Variants in SCN7A observed in about 807,000 individuals in gnomAD.
SCN7A encodes sodium channel protein type 7 subunit alpha.
A neutral mutation model predicts 155.2 loss-of-function variants in SCN7A; 138 were observed. The observed-to-expected ratio is 0.89, with a 90% CI of 0.77 to 1.02. The LOEUF (loss-of-function observed/expected upper bound fraction) is 1.02, where lower values mean the gene tolerates loss of function less well. SCN7A is among the 50% of genes least tolerant of loss of function. SCN7A has a pLI of 0.00. For synonymous variants in SCN7A, 693 were observed against 649.0 expected, an observed-to-expected ratio of 1.07 and a Z score of -1.03; for missense variants, 2,058 against 1,986.6, an observed-to-expected ratio of 1.04 and a Z score of -0.68.
chr2:166,426,752 C>T (rs527993909), intron 18 of SCN7A, among the ~76,000 whole-genome samples: 120 of 152,128 alleles, frequency 7.9e-4, no homozygotes, highest in Middle Eastern at 6.8e-3. Flanking sequence ...TTCTGGCATC[C>T]TGGTAAATGT....
At position 166,473,846 on chromosome 2, in the gene SCN7A, GCAAT is replaced by G. The variant is rs1559124177; in HGVS notation, c.392_395del (p.Asp131AlafsTer6). 2 of 1,560,622 alleles carry G rather than the reference GCAAT, an allele frequency of 1.3e-6. No individual in the cohort carries two copies. Among genetic ancestry groups the G allele is most frequent in the Non-Finnish European group, 1.7e-6 (2 of 1,149,100 alleles). On this transcript the variant is annotated frameshift_variant, in exon 5 of 26. Coordinates refer to ENST00000643258, the MANE Select transcript of SCN7A (RefSeq NM_002976.4). LOFTEE classifies it high-confidence loss of function. The stretch of plus-strand genomic sequence containing the variant: ...GCAAATTAGTCAGGGACATGAATAC[GCAAT>G]CAATCAGGACACTAATTAGAATAAA...
chr2:166,419,416 G>A (rs947752500), intron 20 of SCN7A, among the ~76,000 whole-genome samples: 13 of 148,428 alleles, frequency 8.8e-5, no homozygotes, highest in African/African-American at 3.2e-4. Flanking sequence ...GGAGTGCAGT[G>A]GAGCAATCTC....
intron 15 of SCN7A, among the ~76,000 whole-genome samples, chr2:166,439,051 G>GTATATATATA (rs1200483058): frequency 1.5e-5 from 1 of 67,496 alleles, no homozygotes; most frequent in African/African-American, 8.3e-5. Flanking sequence ...ATGTGTGTGT[G>GTATATATATA]TGTGTATATA....
chr2:166,486,312 C>A (rs563513240), intron 2 of SCN7A, among the ~76,000 whole-genome samples: 12 of 152,248 alleles, frequency 7.9e-5, no homozygotes, highest in African/African-American at 2.6e-4. Flanking sequence ...CAGAAGAGTT[C>A]TGAACCAGTG....
At chr2:166,467,915 C>A (rs904717772) in intron 7 of SCN7A, among the ~76,000 whole-genome samples, 1 of 151,480 alleles carries the variant, frequency 6.6e-6, no homozygotes, top group African/African-American at 2.4e-5. Flanking sequence ...TTTCTATATT[C>A]TCCTTATTAT....
chr2:166,422,952 A>T (rs1701541701), intron 19 of SCN7A, among the ~76,000 whole-genome samples: 1 of 152,168 alleles, frequency 6.6e-6, no homozygotes, highest in African/African-American at 2.4e-5. Context: ...GAGTTAAGCC[A>T]ACAGAAGAAC....
intron 7 of SCN7A, 75 bp downstream of exon 7, chr2:166,470,540 A>AGGGTTTTGGGTGGTCTGCCGGGG (rs1702629693): frequency 7.9e-7 from 1 of 1,260,550 alleles, no homozygotes; most frequent in African/African-American, 1.5e-5. Flanking sequence ...TCTGAACAAC[A>AGGGTTTTGGGTGGTCTGCCGGGG]ACAGGGAAGT....
intron 15 of SCN7A, among the ~76,000 whole-genome samples, chr2:166,434,362 G>T (rs1260268302): frequency 6.6e-6 from 1 of 151,990 alleles, no homozygotes; most frequent in Admixed American, 6.6e-5. Context: ...ATAAAATTTT[G>T]GTTATAAGAT....
At chr2:166,437,253 T>C (rs778489083) in intron 15 of SCN7A, among the ~76,000 whole-genome samples, 19 of 152,186 alleles carry the variant, frequency 1.2e-4, no homozygotes, top group Non-Finnish European at 2.5e-4. Flanking sequence ...GGCCAAGGTA[T>C]AGCTTAGGCC....
At chr2:166,470,360 T>G (rs774073644) in intron 7 of SCN7A, among the ~76,000 whole-genome samples, 13 of 151,868 alleles carry the variant, frequency 8.6e-5, no homozygotes, top group African/African-American at 2.9e-4. Flanking sequence ...GTAAGAATTA[T>G]AAATTAAAAT....
Position 166,412,565 on chromosome 2 carries a change from C to G in SCN7A, c.3571G>C (p.Val1191Leu), listed in dbSNP as rs1307591785. 6.7e-7 allele frequency: 1 copy of G among 1,500,498 alleles called. No homozygotes were observed. 92.9% of individuals were successfully genotyped at this position (1,500,498 alleles called of 1,614,324 possible). ...VFLPLSMLITVIIDNFNKHKI... is the reference protein window; with the variant it reads ...VFLPLSMLITLIIDNFNKHKI... ...TGCTTGTTGAAATTATCAATAATAA[C>G]AGTAATCAGCATACTCAGAGGGAGA... The change falls in exon 23 of 26, where the codon GTT becomes CTT. Residue 1191 changes from valine (V) to leucine (L), a missense_variant. By Grantham distance (32) the Val-to-Leu change is conservative. Coordinates refer to ENST00000643258, the MANE Select transcript of SCN7A (RefSeq NM_002976.4).
At chr2:166,410,400 G>T in intron 23 of SCN7A, 76 bp from the exon 24 acceptor site, 1 of 928,822 alleles carries the variant, frequency 1.1e-6, no homozygotes, top group Non-Finnish European at 1.6e-6. Flanking sequence ...GCATTTTAAA[G>T]ACTTGGCAAT....
chr2:166,443,897 TATTTTA>T (rs1309470442), intron 13 of SCN7A, among the ~76,000 whole-genome samples: 1 of 152,216 alleles, frequency 6.6e-6, no homozygotes, highest in Non-Finnish European at 1.5e-5. Flanking sequence ...AATCTTTTAT[TATTTTA>T]ATAAAATTGA....
intron 9 of SCN7A, among the ~76,000 whole-genome samples, chr2:166,464,280 C>T (rs1197475008): frequency 2.6e-5 from 4 of 151,520 alleles, no homozygotes; most frequent in Non-Finnish European, 5.9e-5. Context: ...TTAACTAAAC[C>T]ATATAACTCA....
chr2:166,473,394 CA>C (rs1702702522), intron 5 of SCN7A, among the ~76,000 whole-genome samples: 1 of 151,368 alleles, frequency 6.6e-6, no homozygotes, highest in Non-Finnish European at 1.5e-5. Context: ...AGTCACCTTC[CA>C]AAATCAACTA....
rs1283868488 is a variant in SCN7A at position 166,441,417 on chromosome 2, G to A, written c.2136C>T (p.Val712=). 1 of 1,588,908 alleles carries A rather than the reference G, an allele frequency of 6.3e-7. No homozygotes were observed. The highest frequency in any genetic ancestry group is 8.6e-7 in the Non-Finnish European group (1 of 1,167,898). The change falls in exon 15 of 26, where the codon GTC becomes GTT. Residue 712 remains valine (V), a synonymous_variant. Transcript: ENST00000643258. ...QSWCIPFYLM[V]ILIGNLLVLY... ...TTACCAGTAAATTTCCAATTAAAAT[G>A]ACCATCAGGTAAAAAGGAATACACC...
chr2:166,414,129 A>ATATATAAATATATATAATATAT (rs1701281835), intron 21 of SCN7A, among the ~76,000 whole-genome samples: 2 of 69,348 alleles, frequency 2.9e-5, no homozygotes, highest in African/African-American at 8.1e-5. Context: ...ATAATATATT[A>ATATATAAATATATATAATATAT]TATATATGTA....
At chr2:166,447,873 A>G (rs558872818) in intron 11 of SCN7A, among the ~76,000 whole-genome samples, 165 bp from the exon 12 acceptor site, 1 of 152,286 alleles carries the variant, frequency 6.6e-6, no homozygotes, top group South Asian at 2.1e-4. Flanking sequence ...TATATGTGGT[A>G]TTTTCATACA....
In SCN7A at chr2:166,432,739, A is replaced by G. The variant is rs1167561044; in HGVS notation, c.2171T>C (p.Phe724Ser). Residue 724 changes from phenylalanine to serine, a missense_variant, in exon 16 of 26, where the codon TTT becomes TCT. Phe to Ser is a radical substitution (Grantham distance 155, BLOSUM62 -2). Transcript: ENST00000643258. The part of the protein sequence containing the change: ...LIGNLLVLYL[F>S]LALVSSFSSC... ...ACTAAATGAGCTCACCAATGCCAGAAACAGGTAAAGTACCTAAATAAGGAA... is the reference window on the plus strand; with the variant it reads ...ACTAAATGAGCTCACCAATGCCAGAGACAGGTAAAGTACCTAAATAAGGAA... 9.7e-6 allele frequency: 15 copies of G among 1,540,468 alleles called. No individual in the cohort carries two copies. Among genetic ancestry groups the G allele is most frequent in the Non-Finnish European group, 1.3e-5 (15 of 1,149,808 alleles).
Sources: allele counts gnomAD v4.1 joint callset (sites outside exome capture counted in the v4.1 genomes callset), GRCh38; gene constraint gnomAD v4.1.1; transcripts MANE v1.5; gene names NCBI Gene and HGNC (gene_info 2026-07-23, HGNC 2026-07-21).